Variants in DOCK1 observed in about 807,000 individuals in gnomAD.
DOCK1 encodes the protein dedicator of cytokinesis protein 1.
In DOCK1, 138 loss-of-function variants were observed where a neutral mutation model predicts 262.7. The ratio of observed to expected loss-of-function variants is 0.53; its 90% CI spans 0.46 to 0.61. DOCK1 has a LOEUF of 0.61. Among genes scored for constraint, DOCK1 ranks in the 20% least tolerant of loss-of-function variants. The pLI, the probability that DOCK1 is intolerant of heterozygous loss-of-function variation, is 0.00. For synonymous variants in DOCK1, 866 were observed against 867.4 expected (o/e 1.00, Z 0.03); for missense variants, 1,908 against 2,370.7 (o/e 0.80, Z 4.05).
chr10:127,241,693 C>A (rs2059270170), intron 27 of DOCK1, among the ~76,000 whole-genome samples: 2 of 152,118 alleles, frequency 1.3e-5, no homozygotes, highest in Admixed American at 1.3e-4. Context: ...TTAGTTTAAG[C>A]CTCCTTGCTG....
At chr10:127,140,006 A>G (rs1236078232) in intron 27 of DOCK1, among the ~76,000 whole-genome samples, 7 of 152,178 alleles carry the variant, frequency 4.6e-5, no homozygotes, top group Admixed American at 4.6e-4. Flanking sequence ...CTGTGAATAT[A>G]CGGTATGTTA....
At chr10:127,265,242 C>G (rs75045721) in intron 29 of DOCK1, among the ~76,000 whole-genome samples, 2,211 of 152,312 alleles carry the variant, frequency 0.015, 58 homozygotes, top group East Asian at 0.1. Flanking sequence ...CAGAGATTGT[C>G]AGTCAAAAAC....
chr10:127,408,504 G>T (rs568506228), intron 40 of DOCK1, among the ~76,000 whole-genome samples: 4 of 152,328 alleles, frequency 2.6e-5, no homozygotes, highest in African/African-American at 9.6e-5. Context: ...GCTCGCCTCG[G>T]CTGTGTCTCA....
chr10:127,152,905 C>A (rs189867104), intron 27 of DOCK1, among the ~76,000 whole-genome samples: 80 of 152,254 alleles, frequency 5.3e-4, no homozygotes, highest in African/African-American at 1.8e-3. Context: ...CTGTCTGGAT[C>A]GGAGGCATGG....
intron 48 of DOCK1, among the ~76,000 whole-genome samples, chr10:127,436,452 G>A (rs2069692687): frequency 1.3e-5 from 2 of 152,152 alleles, no homozygotes; most frequent in Non-Finnish European, 1.5e-5. Context: ...TGGAGAGGTT[G>A]TGGCTGTAGT....
chr10:127,220,014 C>A (rs1193880830), intron 27 of DOCK1, among the ~76,000 whole-genome samples: 1 of 152,094 alleles, frequency 6.6e-6, no homozygotes, highest in African/African-American at 2.4e-5. Context: ...ATCCTCCATC[C>A]TTCACAGAGT....
intron 1 of DOCK1, among the ~76,000 whole-genome samples, chr10:126,919,507 G>A (rs984988878): frequency 1.4e-4 from 22 of 152,138 alleles, no homozygotes; most frequent in Admixed American, 1.3e-4. Context: ...ATTCTTGGGG[G>A]TTGTTGCTTT....
At chr10:127,448,324 G>A (rs1391116900) in intron 51 of DOCK1, among the ~76,000 whole-genome samples, 1 of 152,232 alleles carries the variant, frequency 6.6e-6, no homozygotes, top group African/African-American at 2.4e-5. Flanking sequence ...CCCTGGGCCT[G>A]CCTGCCCGTA....
chr10:127,190,397 C>T (rs1043471598), intron 27 of DOCK1, among the ~76,000 whole-genome samples: 1 of 152,140 alleles, frequency 6.6e-6, no homozygotes, highest in South Asian at 2.1e-4. Flanking sequence ...ACAATTCTTT[C>T]CCAATCAGGA....
At chr10:127,318,820 A>C (rs1298009667) in intron 29 of DOCK1, among the ~76,000 whole-genome samples, 1 of 152,240 alleles carries the variant, frequency 6.6e-6, no homozygotes, top group Non-Finnish European at 1.5e-5. Context: ...TGGGCCCTGC[A>C]ATGTCAGAGA....
At chr10:126,933,607 G>A (rs888586036) in intron 1 of DOCK1, among the ~76,000 whole-genome samples, 8 of 152,214 alleles carry the variant, frequency 5.3e-5, no homozygotes, top group South Asian at 4.1e-4. Flanking sequence ...ATTTTGGAGT[G>A]CCCTGAGTCA....
At chr10:126,943,397 G>C (rs1351211693) in intron 1 of DOCK1, among the ~76,000 whole-genome samples, 2 of 152,196 alleles carry the variant, frequency 1.3e-5, no homozygotes, top group Non-Finnish European at 2.9e-5. Context: ...ACCTAGCACT[G>C]GTTGACCTGA....
intron 22 of DOCK1, among the ~76,000 whole-genome samples, chr10:127,053,097 G>A (rs2044856436): frequency 1.3e-5 from 2 of 152,198 alleles, no homozygotes; most frequent in Admixed American, 1.3e-4. Flanking sequence ...TGGCGATGAC[G>A]CAGGTGCAAT....
intron 37 of DOCK1, among the ~76,000 whole-genome samples, chr10:127,382,096 T>A (rs898251912): frequency 1.3e-5 from 2 of 152,200 alleles, no homozygotes; most frequent in Non-Finnish European, 2.9e-5. Context: ...TGAAAAATTA[T>A]GAACTGGATA....
rs573427377 is a variant in DOCK1, at chr10:127,328,799, AT to A, written c.3045-10204del. Among the ~76,000 whole-genome samples, 476 of 152,070 alleles carry A rather than the reference AT, an allele frequency of 3.1e-3. 1 individual carries two copies. The highest frequency in any genetic ancestry group is 4.8e-3 in the Non-Finnish European group (326 of 67,960). Reference sequence around the variant, plus strand: ...AGATTCTTATTCCCGGGTTGTTTTGATTTATTTTTTAATCATGAAACTGAGT... The same window carrying A: ...AGATTCTTATTCCCGGGTTGTTTTGATTATTTTTTAATCATGAAACTGAGT... On this transcript the variant is annotated intron_variant, in intron 29 of 51. Coordinates refer to ENST00000623213, the MANE Select transcript of DOCK1 (RefSeq NM_001290223.2).
At chr10:126,975,889 G>A (rs1161301477) in intron 2 of DOCK1, among the ~76,000 whole-genome samples, 1 of 152,000 alleles carries the variant, frequency 6.6e-6, no homozygotes, top group African/African-American at 2.4e-5. Context: ...AAAATACCAG[G>A]ATGACAGGAG....
intron 1 of DOCK1, among the ~76,000 whole-genome samples, chr10:126,945,470 AGG>A (rs1192495641): frequency 1.3e-5 from 2 of 149,068 alleles, no homozygotes; most frequent in African/African-American, 5.0e-5. Context: ...AGAGAGAGAG[AGG>A]GAGAGAGAGA....
chr10:127,139,250 A>G (rs2050995008), intron 27 of DOCK1, among the ~76,000 whole-genome samples: 1 of 152,208 alleles, frequency 6.6e-6, no homozygotes, highest in South Asian at 2.1e-4. Flanking sequence ...ACAAATTTTG[A>G]CATTTTGGAA....
At chr10:127,019,149 C>A (rs1435811289) in intron 13 of DOCK1, among the ~76,000 whole-genome samples, 1 of 152,132 alleles carries the variant, frequency 6.6e-6, no homozygotes, top group Non-Finnish European at 1.5e-5. Flanking sequence ...AGAAAGGGAG[C>A]TGCCCATTGT....
Sources: allele counts gnomAD v4.1 joint callset (sites outside exome capture counted in the v4.1 genomes callset), GRCh38; gene constraint gnomAD v4.1.1; transcripts MANE v1.5; gene names NCBI Gene and HGNC (gene_info 2026-07-23, HGNC 2026-07-21).